Variants in SCARB1 observed in about 807,000 individuals in gnomAD.
SCARB1 encodes CD36 and LIMPII analogous 1.
A neutral mutation model predicts 57.2 loss-of-function variants in SCARB1; 30 were observed. The ratio of observed to expected loss-of-function variants is 0.52; its 90% CI spans 0.39 to 0.71. SCARB1 has a LOEUF of 0.71. SCARB1 is among the 30% of genes least tolerant of loss of function. The pLI is 0.00. For missense variants in SCARB1, 543 were observed against 671.2 expected (o/e 0.81, Z 2.11); for synonymous variants, 249 against 268.3 (o/e 0.93, Z 0.70).
At chr12:124,857,181 T>C (rs1952674688) in intron 1 of SCARB1, among the ~76,000 whole-genome samples, 1 of 152,174 alleles carries the variant, frequency 6.6e-6, no homozygotes, top group East Asian at 1.9e-4. Context: ...CTTGAAATCC[T>C]GATTCAACCG....
intron 1 of SCARB1, among the ~76,000 whole-genome samples, chr12:124,821,127 G>T (rs1417538152): frequency 1.3e-5 from 2 of 151,920 alleles, no homozygotes; most frequent in African/African-American, 4.8e-5. Flanking sequence ...AGTCCCAGCC[G>T]CTTGGGAGGC....
rs950208978 is a variant in SCARB1 at position 124,807,595 on chromosome 12, T to A, written c.1009+166A>T. On this transcript the variant is annotated intron_variant, in intron 7 of 12. Coordinates refer to ENST00000261693, the MANE Select transcript of SCARB1 (RefSeq NM_005505.5). This position sits in a 1 kb window ranked among gnomAD's most constrained non-coding sequence, Gnocchi z 5.3. ...GTGACAGCAACTAATAGACCTGGCATTTCTTCCTTTTCAGATTATCTTCCT... is the reference window on the plus strand; with the variant it reads ...GTGACAGCAACTAATAGACCTGGCAATTCTTCCTTTTCAGATTATCTTCCT... Among the ~76,000 whole-genome samples the A allele has an allele frequency of 6.6e-6, 1 of 152,168 alleles. No homozygotes were observed. Among genetic ancestry groups the A allele is most frequent in the Admixed American group, 6.5e-5 (1 of 15,280 alleles).
intron 7 of SCARB1, among the ~76,000 whole-genome samples, chr12:124,801,211 AT>A (rs1038362945): frequency 4.0e-5 from 6 of 150,058 alleles, no homozygotes; most frequent in African/African-American, 9.8e-5. Flanking sequence ...AAGAAAAACA[AT>A]TTTTTTTTAA....
chr12:124,837,510 A>AAAAG (rs1566231426), intron 1 of SCARB1, among the ~76,000 whole-genome samples: 6 of 119,776 alleles, frequency 5.0e-5, no homozygotes, highest in Admixed American at 2.4e-4. Flanking sequence ...GAAGGGAGAA[A>AAAAG]AAAGAAAAGA....
intron 1 of SCARB1, among the ~76,000 whole-genome samples, chr12:124,833,845 G>A (rs1236931453): frequency 1.3e-5 from 2 of 152,260 alleles, no homozygotes; most frequent in Non-Finnish European, 2.9e-5. Flanking sequence ...ACCCTGCTGT[G>A]TTTTGGCCTG....
chr12:124,797,294 AC>A (rs1949972382), intron 8 of SCARB1, among the ~76,000 whole-genome samples: 1 of 152,206 alleles, frequency 6.6e-6, no homozygotes, highest in East Asian at 1.9e-4. Flanking sequence ...TAGCTGTGAT[AC>A]CACCATAAGC....
chr12:124,824,392 G>A (rs537372039), intron 1 of SCARB1, among the ~76,000 whole-genome samples: 1 of 152,256 alleles, frequency 6.6e-6, no homozygotes, highest in East Asian at 1.9e-4. Flanking sequence ...AGAAAGGAAT[G>A]GTGGGTGACT....
At chr12:124,843,507 T>C (rs1841242372) in intron 1 of SCARB1, among the ~76,000 whole-genome samples, 1 of 152,144 alleles carries the variant, frequency 6.6e-6, no homozygotes, top group Non-Finnish European at 1.5e-5. Context: ...ACCCAAGTAA[T>C]GGGACCTGGA....
intron 1 of SCARB1, among the ~76,000 whole-genome samples, chr12:124,855,643 TA>T (rs1271459299): frequency 6.6e-6 from 1 of 152,162 alleles, no homozygotes; most frequent in Non-Finnish European, 1.5e-5. Flanking sequence ...TCCGCACAAT[TA>T]ATGTGTCTGT....
chr12:124,837,543 G>GA (rs879625042), intron 1 of SCARB1, among the ~76,000 whole-genome samples: 1 of 48,320 alleles, frequency 2.1e-5, no homozygotes, highest in Non-Finnish European at 6.2e-5. Flanking sequence ...AGAAAGAAAA[G>GA]AAAAGAAAAG....
intron 9 of SCARB1, among the ~76,000 whole-genome samples, chr12:124,794,141 G>A (rs1949839948): frequency 1.3e-5 from 2 of 152,172 alleles, no homozygotes; most frequent in South Asian, 4.1e-4. Context: ...TGGGGCTGAG[G>A]GGACAGGGAA....
Position 124,814,110 on chromosome 12 carries a change from T to C in SCARB1, c.630+92A>G. Reference sequence around the variant, plus strand: ...CACAGCCACTAGATCCCCAGCCAGCTACAAAGCAAGCTGGTGACCAGTGTC... The same window carrying C: ...CACAGCCACTAGATCCCCAGCCAGCCACAAAGCAAGCTGGTGACCAGTGTC... On this transcript the variant is annotated intron_variant, in intron 4 of 12. Transcript: ENST00000261693. The surrounding 1 kb of genome is among the most constrained non-coding windows in gnomAD (Gnocchi z 4.7). 1 of 1,252,004 alleles carries C rather than the reference T, an allele frequency of 8.0e-7. No homozygotes were observed. The highest frequency in any genetic ancestry group is 1.2e-5 in the South Asian group (1 of 83,278). The allele number at this position is 1,252,004 out of a possible 1,614,324, so 77.6% of individuals were successfully genotyped here. A position where few individuals can be genotyped will look rare whatever the true frequency, so the allele number is the denominator to read the frequency against.
At chr12:124,839,376 G>T (rs1462129484) in intron 1 of SCARB1, 1 of 437,838 alleles carries the variant, frequency 2.3e-6, no homozygotes, top group Non-Finnish European at 4.6e-6. Context: ...CGCAGCGTGC[G>T]TCCAAACGTC....
intron 12 of SCARB1, among the ~76,000 whole-genome samples, chr12:124,778,939 T>C (rs1374582472): frequency 1.3e-5 from 2 of 152,056 alleles, no homozygotes; most frequent in African/African-American, 2.4e-5. Flanking sequence ...GGAGAACGTA[T>C]GTTTATGTGT....
At chr12:124,851,608 AT>A (rs5801574) in intron 1 of SCARB1, among the ~76,000 whole-genome samples, 4,641 of 128,020 alleles carry the variant, frequency 0.036, 123 homozygotes, top group African/African-American at 0.097. Flanking sequence ...AAAGGATTCC[AT>A]TTTTTTTTTT....
intron 12 of SCARB1, among the ~76,000 whole-genome samples, chr12:124,779,888 G>A (rs1025939926): frequency 7.9e-5 from 12 of 152,148 alleles, no homozygotes; most frequent in African/African-American, 2.9e-4. Flanking sequence ...CGCGGGGGAG[G>A]TCAGCCCCGC....
intron 6 of SCARB1, among the ~76,000 whole-genome samples, chr12:124,809,092 C>A (rs1950428540): frequency 6.6e-6 from 1 of 152,082 alleles, no homozygotes; most frequent in Non-Finnish European, 1.5e-5. Flanking sequence ...AAGAAAATGT[C>A]CTCGTTTCTG....
chr12:124,819,145 AAAAG>A (rs975058212), intron 1 of SCARB1, among the ~76,000 whole-genome samples: 1 of 150,002 alleles, frequency 6.7e-6, no homozygotes, highest in Non-Finnish European at 1.5e-5. Context: ...AAAAAAAAAG[AAAAG>A]AAAGAAAGAA....
At chr12:124,842,695 G>C (rs2135792988) in intron 1 of SCARB1, among the ~76,000 whole-genome samples, 1 of 152,350 alleles carries the variant, frequency 6.6e-6, no homozygotes, top group East Asian at 1.9e-4. Context: ...TTACTGGAAA[G>C]GACCCCTGGA....
Sources: gnomAD v4.1 joint callset for allele counts (sites outside exome capture counted in the v4.1 genomes callset) on GRCh38, gnomAD v4.1.1 for gene constraint, Gnocchi (gnomAD v3.1) non-coding constraint, MANE v1.5 for transcripts, NCBI Gene and HGNC (gene_info 2026-07-23, HGNC 2026-07-21) for gene names.